The following MAP2 variants were observed in gnomAD, a reference collection of about 807,000 sequenced individuals.
The protein encoded by MAP2 is microtubule-associated protein 2.
MAP2 carries 14 observed loss-of-function variants against 137.6 expected under a neutral mutation model. That is an observed-to-expected ratio of 0.10 (90% confidence interval 0.07 to 0.16). MAP2 has a LOEUF of 0.16. MAP2 is among the 10% of genes least tolerant of loss of function. The pLI, the probability that MAP2 is intolerant of heterozygous loss-of-function variation, is 1.00. For synonymous variants in MAP2, 786 were observed against 782.3 expected (o/e 1.00, Z -0.08); for missense variants, 2,088 against 2,191.5 (o/e 0.95, Z 0.94).
At chr2:209,594,660 T>A (rs1024640834) in intron 3 of MAP2, among the ~76,000 whole-genome samples, 2 of 152,218 alleles carry the variant, frequency 1.3e-5, no homozygotes, top group African/African-American at 4.8e-5. Context: ...AATTCTCCTA[T>A]CACTGATCAT....
chr2:209,466,645 G>T (rs1217348706), intron 1 of MAP2, among the ~76,000 whole-genome samples: 1 of 152,188 alleles, frequency 6.6e-6, no homozygotes, highest in African/African-American at 2.4e-5. Context: ...ATGGAGCAAA[G>T]ATTTAAGCTA....
chr2:209,565,461 C>T (rs893539135), intron 2 of MAP2, among the ~76,000 whole-genome samples: 1 of 152,002 alleles, frequency 6.6e-6, no homozygotes, highest in Admixed American at 6.6e-5. Flanking sequence ...CTCAAGCGAT[C>T]CTCCCACTTC....
intron 1 of MAP2, among the ~76,000 whole-genome samples, chr2:209,490,409 T>C (rs1047717200): frequency 3.3e-5 from 5 of 151,570 alleles, no homozygotes; most frequent in Admixed American, 6.6e-5. Context: ...ATGATGGAAA[T>C]CAAATTCACA....
chr2:209,627,392 T>C (rs1308871270), intron 4 of MAP2, among the ~76,000 whole-genome samples: 1 of 152,072 alleles, frequency 6.6e-6, no homozygotes, highest in Non-Finnish European at 1.5e-5. Flanking sequence ...TTCGTCAAAG[T>C]TGGGGGAGGA....
intron 1 of MAP2, among the ~76,000 whole-genome samples, chr2:209,481,470 A>G (rs1288245455): frequency 6.6e-6 from 1 of 152,156 alleles, no homozygotes; most frequent in African/African-American, 2.4e-5. Context: ...CCAAAGTGCC[A>G]CTCCATCCTA....
intron 3 of MAP2, among the ~76,000 whole-genome samples, chr2:209,609,770 A>G (rs2086180481): frequency 1.3e-5 from 2 of 152,150 alleles, no homozygotes; most frequent in Non-Finnish European, 1.5e-5. Flanking sequence ...CTGAAAGGAA[A>G]CCCTGTGGTT....
intron 6 of MAP2, among the ~76,000 whole-genome samples, chr2:209,679,083 A>G (rs775647580): frequency 2.0e-5 from 3 of 152,114 alleles, no homozygotes; most frequent in Admixed American, 6.6e-5. Context: ...ATTATACTGT[A>G]GCCTTGTTTG....
intron 3 of MAP2, among the ~76,000 whole-genome samples, chr2:209,589,084 A>G (rs554075870): frequency 9.4e-4 from 143 of 152,170 alleles, no homozygotes; most frequent in Non-Finnish European, 1.6e-3. Flanking sequence ...ATGTTCACAA[A>G]CACAACCAGG....
chr2:209,517,954 C>A (rs1268958166), intron 2 of MAP2, among the ~76,000 whole-genome samples: 2 of 151,952 alleles, frequency 1.3e-5, no homozygotes, highest in African/African-American at 4.8e-5. Context: ...AACCAGATTA[C>A]ATTCTTTCAT....
intron 4 of MAP2, among the ~76,000 whole-genome samples, chr2:209,634,109 G>C (rs367937051): frequency 6.6e-6 from 1 of 152,108 alleles, no homozygotes; most frequent in South Asian, 2.1e-4. Context: ...AAGAGCTGCA[G>C]GAAATTCTTT....
intron 4 of MAP2, among the ~76,000 whole-genome samples, chr2:209,632,515 A>G (rs2093178686): frequency 6.6e-6 from 1 of 152,186 alleles, no homozygotes; most frequent in African/African-American, 2.4e-5. Context: ...CTCAGTGACT[A>G]TTAAGAGACA....
chr2:209,501,878 G>A (rs1383055763), intron 1 of MAP2, among the ~76,000 whole-genome samples: 1 of 152,062 alleles, frequency 6.6e-6, no homozygotes, highest in Non-Finnish European at 1.5e-5. Flanking sequence ...GATAAGAAAA[G>A]CAAGCAAACA....
intron 1 of MAP2, among the ~76,000 whole-genome samples, chr2:209,436,853 A>G (rs1366013600): frequency 6.6e-6 from 1 of 151,672 alleles, no homozygotes; most frequent in Non-Finnish European, 1.5e-5. Context: ...CATTTCATAC[A>G]CTAACATTTT....
chr2:209,635,498 T>C (rs1225929656), intron 4 of MAP2, among the ~76,000 whole-genome samples: 1 of 152,174 alleles, frequency 6.6e-6, no homozygotes, highest in Non-Finnish European at 1.5e-5. Flanking sequence ...TAACCGTATA[T>C]AGTCCTGACG....
At chr2:209,553,978 A>C (rs775506074) in intron 2 of MAP2, among the ~76,000 whole-genome samples, 1 of 152,118 alleles carries the variant, frequency 6.6e-6, no homozygotes, top group African/African-American at 2.4e-5. Context: ...TTGAGAAAAG[A>C]AGCTCACAAC....
intron 5 of MAP2, among the ~76,000 whole-genome samples, chr2:209,675,060 T>C (rs535230017): frequency 6.6e-6 from 1 of 151,970 alleles, no homozygotes; most frequent in South Asian, 2.1e-4. Flanking sequence ...CACTGTGAAC[T>C]CTATATTATA....
chr2:209,460,164 T>G (rs560219778), intron 1 of MAP2, among the ~76,000 whole-genome samples: 1 of 152,366 alleles, frequency 6.6e-6, no homozygotes, highest in Admixed American at 6.5e-5. Flanking sequence ...TCACTGTGTG[T>G]GTGCATGTGT....
intron 3 of MAP2, among the ~76,000 whole-genome samples, chr2:209,606,725 T>A (rs1435530558): frequency 6.6e-6 from 1 of 152,170 alleles, no homozygotes; most frequent in Non-Finnish European, 1.5e-5. Flanking sequence ...CATTTGATAG[T>A]TGAGATCATG....
At chr2:209,683,620 C>T (rs955350412) in intron 7 of MAP2, among the ~76,000 whole-genome samples, 6 of 152,232 alleles carry the variant, frequency 3.9e-5, no homozygotes, top group African/African-American at 7.2e-5. Flanking sequence ...ATTTTTCAAA[C>T]CAAGTAGTTT....
Sources: allele counts gnomAD v4.1 joint callset (sites outside exome capture counted in the v4.1 genomes callset), GRCh38; gene constraint gnomAD v4.1.1; transcripts MANE v1.5; gene names NCBI Gene and HGNC (gene_info 2026-07-23, HGNC 2026-07-21).